Variants in UBE2O observed in about 807,000 individuals in gnomAD.
UBE2O encodes the protein (E3-independent) E2 ubiquitin-conjugating enzyme.
Under a neutral mutation model 125.8 loss-of-function variants are expected in UBE2O, and 15 were observed. The ratio of observed to expected loss-of-function variants is 0.12; its 90% CI spans 0.08 to 0.18. The LOEUF (loss-of-function observed/expected upper bound fraction) is 0.18. UBE2O is among the 10% of genes least tolerant of loss of function. The probability of loss-of-function intolerance (pLI) is 1.00; values close to 1 mark genes in which losing one functional copy is unlikely to be tolerated. For synonymous variants in UBE2O, 708 were observed against 703.2 expected, an observed-to-expected ratio of 1.01 and a Z score of -0.11; for missense variants, 1,280 against 1,723.6, an observed-to-expected ratio of 0.74 and a Z score of 4.56.
chr17:76,402,713 A>C lies in UBE2O; in HGVS notation c.589-14T>G. On this transcript the variant is annotated splice_polypyrimidine_tract_variant and intron_variant, in intron 3 of 17. Coordinates refer to ENST00000319380, the MANE Select transcript of UBE2O (RefSeq NM_022066.4). This position sits in a 1 kb window ranked among gnomAD's most constrained non-coding sequence, Gnocchi z 5.4. ...ATACATGAAGGGCTGCAGACCAAGG[A>C]GGCAGGGGCAGTGAGACACAGCAGA... is the stretch of plus-strand genomic sequence containing the variant. 2 of 1,607,936 alleles carry C rather than the reference A, an allele frequency of 1.2e-6. No individual in the cohort carries two copies. The highest frequency in any genetic ancestry group is 1.7e-6 in the Non-Finnish European group (2 of 1,174,400).
intron 1 of UBE2O, among the ~76,000 whole-genome samples, chr17:76,406,684 C>T (rs534267690): frequency 2.0e-3 from 295 of 147,546 alleles, no homozygotes; most frequent in African/African-American, 6.9e-3. Flanking sequence ...AACTCATGAG[C>T]CCAAGTTGTT....
chr17:76,430,581 C>G (rs1016303605), intron 1 of UBE2O: 2 of 279,118 alleles, frequency 7.2e-6, no homozygotes, highest in African/African-American at 4.5e-5. Context: ...GCAGATGATG[C>G]CATATTGACC....
chr17:76,399,545 C>A lies in UBE2O; in HGVS notation c.1532G>T (p.Ser511Ile). ...GGACAAGGGGATGCTCTTTTTGCGA[C>A]TCGTGCCGCTGCCGCTCTGGGAGGA... Reference protein sequence around the residue: ...TTSSQSGSGTSRKKSIPLSIK... With the variant: ...TTSSQSGSGTIRKKSIPLSIK... Residue 511 changes from serine (S) to isoleucine (I), a missense_variant, in exon 9 of 18, where the codon AGT becomes ATT. Physicochemically the swap from Ser to Ile is moderately radical, Grantham distance 142. Transcript: ENST00000319380. The surrounding 1 kb of genome is among the most constrained non-coding windows in gnomAD (Gnocchi z 6.9). 3 of 1,614,172 alleles carry A rather than the reference C, an allele frequency of 1.9e-6. No individual in the cohort carries two copies. The highest frequency in any genetic ancestry group is 1.7e-6 in the Non-Finnish European group (2 of 1,180,028).
rs75324038 is a variant in UBE2O at position 76,435,276 on chromosome 17, T to C, written c.417+17449A>G. 5.2e-3 allele frequency among the ~76,000 whole-genome samples: 789 copies of C among 152,250 alleles called. 5 individuals are homozygous for C. Among genetic ancestry groups the C allele is most frequent in the African/African-American group, 0.018 (757 of 41,524 alleles). ...AAAGGTATACTCACACACATAGAGT[T>C]TGGTCACAGTGGCTATCCCTGGAGA... On this transcript the variant is annotated intron_variant, in intron 1 of 17. Coordinates refer to ENST00000319380, the MANE Select transcript of UBE2O (RefSeq NM_022066.4).
intron 15 of UBE2O, among the ~76,000 whole-genome samples, chr17:76,393,372 C>G (rs954422188): frequency 6.6e-6 from 1 of 151,628 alleles, no homozygotes; most frequent in Non-Finnish European, 1.5e-5. Flanking sequence ...TCAAGCGATT[C>G]TCTGCTTCAG....
intron 13 of UBE2O, 121 bp downstream of exon 13, chr17:76,397,678 C>T (rs188030652): frequency 8.3e-5 from 82 of 983,740 alleles, no homozygotes; most frequent in East Asian, 3.8e-4. Context: ...TTTCCCCTCA[C>T]GCTTTCGCTG....
rs2143658732 is a variant in UBE2O at position 76,391,430 on chromosome 17, A to G, written c.3392T>C (p.Phe1131Ser). ...EVFEQEIRQHFSTGGWRLVNR... is the reference protein window; with the variant it reads ...EVFEQEIRQHSSTGGWRLVNR... ...CACCAGCCGCCAGCCACCAGTGCTA[A>G]AGTGTTGCCTGATCTCCTGCTCAAA... Residue 1131 changes from phenylalanine (F) to serine (S), a missense_variant, in exon 18 of 18, where the codon TTT becomes TCT. By Grantham distance (155) the Phe-to-Ser change is radical. Around this residue, in one of 10 missense-constraint regions of UBE2O, gnomAD observed 233 missense variants for 279.0 expected, o/e 0.84. Coordinates refer to ENST00000319380, the MANE Select transcript of UBE2O (RefSeq NM_022066.4). The surrounding 1 kb of genome is among the most constrained non-coding windows in gnomAD (Gnocchi z 8.4). 6.2e-7 allele frequency: 1 copy of G among 1,613,620 alleles called. No individual in the cohort carries two copies. The highest frequency in any genetic ancestry group is 1.1e-5 in the South Asian group (1 of 91,074).
Position 76,389,588 on chromosome 17 carries a change from G to A in UBE2O, c.*1355C>T, listed in dbSNP as rs143377135. On this transcript the variant is annotated 3_prime_UTR_variant, in exon 18 of 18. Transcript: ENST00000319380. ...CTTTATACAGATATCGTAAGCAGTA[G>A]GCATTCACATCTCCACATGTACAAT... The A allele has an allele frequency of 0.017, 2,598 of 151,354 alleles. 37 individuals are homozygous for A. Among genetic ancestry groups the A allele is most frequent in the Non-Finnish European group, 0.02 (1,365 of 67,926 alleles). 9.4% of individuals were successfully genotyped at this position (151,354 alleles called of 1,614,324 possible).
rs199731811 is a variant in UBE2O, at chr17:76,405,185, G to A, written c.588+21C>T. 3.8e-3 allele frequency: 5,922 copies of A among 1,569,526 alleles called. 18 individuals are homozygous for A. The highest frequency in any genetic ancestry group is 4.2e-3 in the Non-Finnish European group (4,831 of 1,146,260). ...AACCAGAGGGCCCAGAAAGGATGATGAGAAGACAGGGCCGGCTCACCCAGA... is the reference window on the plus strand; with the variant it reads ...AACCAGAGGGCCCAGAAAGGATGATAAGAAGACAGGGCCGGCTCACCCAGA... On this transcript the variant is annotated intron_variant, in intron 3 of 17. Transcript: ENST00000319380. The surrounding 1 kb of genome is among the most constrained non-coding windows in gnomAD (Gnocchi z 6.1).
rs1262985628 is a variant in UBE2O, at chr17:76,392,114, C to CTAGG, written c.2947-5_2947-2dup. On this transcript the variant is annotated splice_acceptor_variant, in intron 15 of 17. Transcript: ENST00000319380. LOFTEE classifies it high-confidence loss of function. Reference sequence around the variant, plus strand: ...CCTTGATGAGAGCTGAGAAGAGGTCCTAGGTAGGGAGGGAGGGAGGGAGGC... The same window carrying CTAGG: ...CCTTGATGAGAGCTGAGAAGAGGTCCTAGGTAGGTAGGGAGGGAGGGAGGGAGGC... The CTAGG allele has an allele frequency of 2.0e-6, 1 of 495,914 alleles. No individual in the cohort carries two copies. 30.7% of individuals were successfully genotyped at this position (495,914 alleles called of 1,614,324 possible). A position where few individuals can be genotyped will look rare whatever the true frequency, so the allele number is the denominator to read the frequency against.
At chr17:76,397,183 G>A (rs1338435099) in intron 13 of UBE2O, among the ~76,000 whole-genome samples, 1 of 152,238 alleles carries the variant, frequency 6.6e-6, no homozygotes, top group Non-Finnish European at 1.5e-5. Context: ...CAGCCAAGGA[G>A]GCCTGTGTGG....
At chr17:76,423,910 T>C (rs1380877540) in intron 1 of UBE2O, among the ~76,000 whole-genome samples, 1 of 137,112 alleles carries the variant, frequency 7.3e-6, no homozygotes, top group Non-Finnish European at 1.6e-5. Context: ...TTTTTTTTTT[T>C]TTTTTTTTTG....
rs537424492 is a variant in UBE2O, at chr17:76,448,764, G to T, written c.417+3961C>A. ...GTTCTGCCCAACCATGACAGGTGGA[G>T]ACCAGAAGGACCCACCACGTCTAGC... On this transcript the variant is annotated intron_variant, in intron 1 of 17. Transcript: ENST00000319380. Among the ~76,000 whole-genome samples the T allele has an allele frequency of 2.0e-5, 3 of 152,382 alleles. No homozygotes were observed. In the East Asian group the frequency reaches 5.8e-4, roughly 29 times the overall value.
In UBE2O at chr17:76,391,304, G is replaced by C. The variant is rs2072109357; in HGVS notation, c.3518C>G (p.Ala1173Gly). ...PKASSSPEPPAVAELSDSGQQ... is the reference protein window; with the variant it reads ...PKASSSPEPPGVAELSDSGQQ... ...GCCGGAGTCTGACAGCTCGGCTACA[G>C]CTGGGGGCTCTGGCGAGCTGCTGGC... The change falls in exon 18 of 18, where the codon GCT becomes GGT. Residue 1173 changes from alanine (A) to glycine (G), a missense_variant. Ala to Gly is a moderately conservative substitution (Grantham distance 60, BLOSUM62 0). Transcript: ENST00000319380. This position sits in a 1 kb window ranked among gnomAD's most constrained non-coding sequence, Gnocchi z 8.4. The C allele has an allele frequency of 6.2e-7, 1 of 1,612,824 alleles. No individual in the cohort carries two copies. Among genetic ancestry groups the C allele is most frequent in the African/African-American group, 1.3e-5 (1 of 74,942 alleles).
At chr17:76,414,536 C>T (rs567576281) in intron 1 of UBE2O, among the ~76,000 whole-genome samples, 4 of 152,318 alleles carry the variant, frequency 2.6e-5, no homozygotes, top group Admixed American at 2.0e-4. Context: ...ACAGCCCCCA[C>T]GCCCTCACCC....
intron 1 of UBE2O, chr17:76,430,796 A>G: frequency 3.5e-6 from 1 of 281,838 alleles, no homozygotes; most frequent in Non-Finnish European, 7.1e-6. Context: ...AAGGCAAAGA[A>G]GCTGCAACAT....
chr17:76,439,246 G>A (rs1004395522), intron 1 of UBE2O, among the ~76,000 whole-genome samples: 2 of 152,174 alleles, frequency 1.3e-5, no homozygotes, highest in East Asian at 1.9e-4. Flanking sequence ...TGCCTAGAAC[G>A]CGGCAGGTGC....
chr17:76,442,777 G>A (rs1353383362), intron 1 of UBE2O, among the ~76,000 whole-genome samples: 2 of 152,196 alleles, frequency 1.3e-5, no homozygotes, highest in Non-Finnish European at 2.9e-5. Context: ...TCACTTGGGA[G>A]GTCAGCCCTT....
intron 1 of UBE2O, among the ~76,000 whole-genome samples, chr17:76,449,177 A>G (rs2073195692): frequency 6.6e-6 from 1 of 152,262 alleles, no homozygotes; most frequent in Non-Finnish European, 1.5e-5. Context: ...TAAAAACTTG[A>G]GACTAAGATT....
Sources: allele counts gnomAD v4.1 joint callset (sites outside exome capture counted in the v4.1 genomes callset), GRCh38; gene constraint gnomAD v4.1.1; regional missense constraint gnomAD v4.1.1; non-coding constraint Gnocchi (gnomAD v3.1); transcripts MANE v1.5; gene names NCBI Gene and HGNC (gene_info 2026-07-23, HGNC 2026-07-21).